Variants in DAGLA observed in about 807,000 individuals in gnomAD.
The protein encoded by DAGLA is diacylglycerol lipase-alpha.
Under a neutral mutation model 102.6 loss-of-function variants are expected in DAGLA, and 22 were observed. The ratio of observed to expected loss-of-function variants is 0.21; its 90% CI spans 0.15 to 0.31. DAGLA has a LOEUF of 0.31. Among genes scored for constraint, DAGLA ranks in the 10% least tolerant of loss-of-function variants. The pLI, the probability that DAGLA is intolerant of heterozygous loss-of-function variation, is 1.00. For synonymous variants in DAGLA, 578 were observed against 628.9 expected (o/e 0.92, Z 1.21); for missense variants, 927 against 1,446.6 (o/e 0.64, Z 5.83).
Position 61,744,415 on chromosome 11 carries a change from A to G in DAGLA, c.3055A>G (p.Ile1019Val). The G allele has an allele frequency of 1.2e-6, 2 of 1,609,390 alleles. No homozygotes were observed. Among genetic ancestry groups the G allele is most frequent in the Non-Finnish European group, 8.5e-7 (1 of 1,177,590 alleles). ...CCAGGAATGCCTGGCGGCTGACAAGATCCGGACTTCTACCCCCACTGGCCA... is the reference window on the plus strand; with the variant it reads ...CCAGGAATGCCTGGCGGCTGACAAGGTCCGGACTTCTACCCCCACTGGCCA... ...SSQECLAADKIRTSTPTGHGA... is the reference protein window; with the variant it reads ...SSQECLAADKVRTSTPTGHGA... Residue 1019 changes from isoleucine (I) to valine (V), a missense_variant, in exon 20 of 20, where the codon ATC (isoleucine) becomes GTC (valine). By Grantham distance (29) the Ile-to-Val change is conservative (BLOSUM62 3). Transcript: ENST00000257215.
At position 61,697,408 on chromosome 11, in the gene DAGLA, C is replaced by T. The variant is rs577263763; in HGVS notation, c.-45+16904C>T. Among the ~76,000 whole-genome samples the T allele has an allele frequency of 6.6e-5, 10 of 152,294 alleles. No homozygotes were observed. The East Asian group carries it at 1.7e-3, about 27-fold the overall frequency. On this transcript the variant is annotated intron_variant, in intron 1 of 19. Coordinates refer to ENST00000257215, the MANE Select transcript of DAGLA (RefSeq NM_006133.3). ...CCTCAGTCCTCGGAAATGCATCGCT[C>T]TGCTTGGGGGAATGGCCACACGTGG...
At chr11:61,704,155 T>C (rs2065132138) in intron 1 of DAGLA, among the ~76,000 whole-genome samples, 1 of 150,422 alleles carries the variant, frequency 6.6e-6, no homozygotes, top group Non-Finnish European at 1.5e-5. Context: ...AGTCTCACTC[T>C]GTCACCCAGG....
chr11:61,692,559 G>C (rs773327627), intron 1 of DAGLA, among the ~76,000 whole-genome samples: 4 of 152,190 alleles, frequency 2.6e-5, no homozygotes, highest in Non-Finnish European at 5.9e-5. Flanking sequence ...ATGGGAAGAA[G>C]GGCAGAATCC....
intron 1 of DAGLA, among the ~76,000 whole-genome samples, chr11:61,701,384 G>A (rs1245664578): frequency 6.6e-6 from 1 of 152,198 alleles, no homozygotes; most frequent in African/African-American, 2.4e-5. Context: ...CATGCCTGCT[G>A]CCCGCCTCTC....
At chr11:61,700,628 G>C (rs2065102608) in intron 1 of DAGLA, among the ~76,000 whole-genome samples, 1 of 152,182 alleles carries the variant, frequency 6.6e-6, no homozygotes, top group Admixed American at 6.5e-5. Context: ...CTAGGGAAGA[G>C]GGAGCCCTTT....
In DAGLA at chr11:61,684,025, G is replaced by C. The variant is rs1825528919; in HGVS notation, c.-45+3521G>C. On this transcript the variant is annotated intron_variant, in intron 1 of 19. Transcript: ENST00000257215. The surrounding 1 kb of genome is among the most constrained non-coding windows in gnomAD (Gnocchi z 4.5). ...CCATAAATCACAGTGCCTGGCTGCT[G>C]TGCTTTAGGGGTGCCGGGGAGCCAG... Among the ~76,000 whole-genome samples, 1 of 152,230 alleles carries C rather than the reference G, an allele frequency of 6.6e-6. No individual in the cohort carries two copies. Among genetic ancestry groups the C allele is most frequent in the South Asian group, 2.1e-4 (1 of 4,826 alleles).
At chr11:61,743,067 A>G (rs184519228) in intron 19 of DAGLA, among the ~76,000 whole-genome samples, 15 of 152,218 alleles carry the variant, frequency 9.9e-5, no homozygotes, top group African/African-American at 3.6e-4. Flanking sequence ...GTTGTTTTTA[A>G]AAAATAATCA....
chr11:61,742,744 CTG>C, intron 19 of DAGLA, among the ~76,000 whole-genome samples: 1 of 152,050 alleles, frequency 6.6e-6, no homozygotes. Flanking sequence ...TCTCCCTTCC[CTG>C]TCTCCCTGCT....
intron 16 of DAGLA, among the ~76,000 whole-genome samples, chr11:61,738,846 C>T (rs1054261230): frequency 7.9e-5 from 12 of 152,088 alleles, no homozygotes; most frequent in African/African-American, 2.4e-5. Flanking sequence ...CCCCCTGCCC[C>T]GGGCGAGCCC....
chr11:61,722,710 G>C, intron 3 of DAGLA, 149 bp from the exon 4 acceptor site: 1 of 650,050 alleles, frequency 1.5e-6, no homozygotes, highest in Non-Finnish European at 2.7e-6. Flanking sequence ...GAGGCGGGGG[G>C]TGGGGGGTCT....
At chr11:61,737,150 G>A in intron 13 of DAGLA, 32 bp from the exon 14 acceptor site, 9 of 1,612,636 alleles carry the variant, frequency 5.6e-6, no homozygotes, top group Non-Finnish European at 7.6e-6. Context: ...CGGGCATTGG[G>A]GCAGGGCTCT....
chr11:61,731,677 G>C (rs773782558), intron 9 of DAGLA, among the ~76,000 whole-genome samples: 27 of 152,186 alleles, frequency 1.8e-4, no homozygotes, highest in Non-Finnish European at 3.4e-4. Context: ...GGGGCAAGTG[G>C]GTCCACCTCT....
chr11:61,693,343 TC>T (rs1323460162), intron 1 of DAGLA, among the ~76,000 whole-genome samples: 1 of 151,626 alleles, frequency 6.6e-6, no homozygotes, highest in African/African-American at 2.4e-5. Context: ...TAAGTCTTTT[TC>T]TTTTTCTTTC....
In DAGLA at chr11:61,734,888, A is replaced by G. The variant is rs748762800; in HGVS notation, c.1014A>G (p.Gly338=). The change falls in exon 10 of 20, where the codon GGA becomes GGG. Residue 338 remains glycine, a synonymous_variant. Transcript: ENST00000257215. The surrounding 1 kb of genome is among the most constrained non-coding windows in gnomAD (Gnocchi z 4.2). The stretch of plus-strand genomic sequence containing the variant: ...CTGCGAGGCCGCGGTTCGCCCCTGG[A>G]GTCACCATCGAGGAAGACAACTGCT... ...LCPARPRFAP[G]VTIEEDNCCG... is the part of the protein sequence containing the mutation. 6.2e-7 allele frequency: 1 copy of G among 1,614,042 alleles called. No homozygotes were observed. Among genetic ancestry groups the G allele is most frequent in the South Asian group, 1.1e-5 (1 of 91,086 alleles).
chr11:61,718,354 C>T (rs1808848916), intron 1 of DAGLA, among the ~76,000 whole-genome samples: 1 of 152,156 alleles, frequency 6.6e-6, no homozygotes, highest in Admixed American at 6.5e-5. Context: ...TCCTGGCAGC[C>T]CCGACAGCCC....
At chr11:61,729,599 C>T (rs1368167121) in intron 8 of DAGLA, among the ~76,000 whole-genome samples, 3 of 152,134 alleles carry the variant, frequency 2.0e-5, no homozygotes, top group Non-Finnish European at 1.5e-5. Flanking sequence ...TGATGCCTGT[C>T]GCTGCGACCT....
chr11:61,687,548 T>TG (rs2064995459), intron 1 of DAGLA, among the ~76,000 whole-genome samples: 1 of 152,170 alleles, frequency 6.6e-6, no homozygotes, highest in African/African-American at 2.4e-5. Context: ...AGGCTGGTCT[T>TG]GAACTCCTGA....
Position 61,686,902 on chromosome 11 carries a change from C to T in DAGLA, c.-45+6398C>T, listed in dbSNP as rs539264995. Among the ~76,000 whole-genome samples, 2 of 152,284 alleles carry T rather than the reference C, an allele frequency of 1.3e-5. No individual in the cohort carries two copies. Among genetic ancestry groups the T allele is most frequent in the East Asian group, 3.9e-4 (2 of 5,182 alleles). ...GCAGGCCACACCGTGGAGTGGGCTCCCTGGGGCTGCACCTCTGTCTCCTGG... is the reference window on the plus strand; with the variant it reads ...GCAGGCCACACCGTGGAGTGGGCTCTCTGGGGCTGCACCTCTGTCTCCTGG... On this transcript the variant is annotated intron_variant, in intron 1 of 19. Transcript: ENST00000257215. This position sits in a 1 kb window ranked among gnomAD's most constrained non-coding sequence, Gnocchi z 5.2.
rs978925525 is a variant in DAGLA at position 61,731,335 on chromosome 11, A to G, written c.868A>G (p.Lys290Glu). The G allele has an allele frequency of 5.0e-6, 8 of 1,613,884 alleles. No homozygotes were observed. The highest frequency in any genetic ancestry group is 6.8e-6 in the Non-Finnish European group (8 of 1,179,962). The change falls in exon 9 of 20, where the codon AAA becomes GAA. Residue 290 changes from lysine to glutamate, a missense_variant. Coordinates refer to ENST00000257215, the MANE Select transcript of DAGLA (RefSeq NM_006133.3). ...LKNSQEMLRY[K>E]EVCYYMLFAL... ...CTTCTAGCAAGAGATGCTCCGCTACAAAGAGGTCTGCTACTACATGCTCTT... is the reference window on the plus strand; with the variant it reads ...CTTCTAGCAAGAGATGCTCCGCTACGAAGAGGTCTGCTACTACATGCTCTT...
Sources: allele counts gnomAD v4.1 joint callset (sites outside exome capture counted in the v4.1 genomes callset), GRCh38; gene constraint gnomAD v4.1.1; non-coding constraint Gnocchi (gnomAD v3.1); transcripts MANE v1.5; gene names NCBI Gene and HGNC (gene_info 2026-07-23, HGNC 2026-07-21).